Variants in ERC2 observed in about 807,000 individuals in gnomAD.
The protein encoded by ERC2 is ELKS/RAB6-interacting/CAST family member 2, also known as ERC protein 2.
Under a neutral mutation model 114.8 loss-of-function variants are expected in ERC2, and 42 were observed. The observed-to-expected ratio is 0.37, with a 90% CI of 0.29 to 0.47. The LOEUF (loss-of-function observed/expected upper bound fraction) is 0.47. Ranked by LOEUF, ERC2 falls within the 20% of genes least tolerant of loss-of-function variation. The pLI is 0.99. For synonymous variants in ERC2, 454 were observed against 425.5 expected (o/e 1.07, Z -0.82); for missense variants, 939 against 1,150.7 (o/e 0.82, Z 2.66).
intron 6 of ERC2, among the ~76,000 whole-genome samples, chr3:56,093,887 C>G (rs184550782): frequency 6.6e-6 from 1 of 152,002 alleles, no homozygotes; most frequent in Admixed American, 6.6e-5. Context: ...TTCTTTGAAA[C>G]TTTTCTGAGT....
intron 13 of ERC2, among the ~76,000 whole-genome samples, chr3:55,894,588 C>T (rs970597): frequency 6.6e-6 from 1 of 152,162 alleles, no homozygotes; most frequent in Middle Eastern, 3.2e-3. Flanking sequence ...CCCCCTTCTT[C>T]CCTCCCTACT....
intron 7 of ERC2, among the ~76,000 whole-genome samples, chr3:56,055,009 C>T (rs1049984456): frequency 6.6e-6 from 1 of 152,166 alleles, no homozygotes; most frequent in Non-Finnish European, 1.5e-5. Flanking sequence ...CACTGAGGCT[C>T]GGAAAGACAA....
In ERC2 at chr3:56,126,449, A is replaced by T. The variant is rs535536111; in HGVS notation, c.1473+13060T>A. Among the ~76,000 whole-genome samples, 10 of 152,314 alleles carry T rather than the reference A, an allele frequency of 6.6e-5. No homozygotes were observed. The South Asian group carries it at 2.1e-3, about 32-fold the overall frequency. ...AACAAATTAGGCATAGAAGGAATGGACTCCAACTAGTTTGATGACATGATC... is the reference window on the plus strand; with the variant it reads ...AACAAATTAGGCATAGAAGGAATGGTCTCCAACTAGTTTGATGACATGATC... On this transcript the variant is annotated intron_variant, in intron 6 of 17. Coordinates refer to ENST00000288221, the MANE Select transcript of ERC2 (RefSeq NM_015576.3).
At chr3:55,706,769 C>G (rs1359550069) in intron 15 of ERC2, among the ~76,000 whole-genome samples, 3 of 152,144 alleles carry the variant, frequency 2.0e-5, no homozygotes, top group Non-Finnish European at 4.4e-5. Flanking sequence ...GAATAATTAA[C>G]AAGCCTGCAC....
At chr3:56,445,735 A>G (rs1019357288) in intron 1 of ERC2, among the ~76,000 whole-genome samples, 1 of 152,118 alleles carries the variant, frequency 6.6e-6, no homozygotes, top group East Asian at 1.9e-4. Flanking sequence ...GCTCCAATGC[A>G]TCAAGTCCCT....
At chr3:55,730,790 G>A (rs957793838) in intron 15 of ERC2, among the ~76,000 whole-genome samples, 1 of 152,174 alleles carries the variant, frequency 6.6e-6, no homozygotes, top group Non-Finnish European at 1.5e-5. Context: ...GGTAGTGGCC[G>A]AAGTGAGCTG....
In ERC2 at chr3:56,297,154, A is replaced by G. The variant is rs558860915; in HGVS notation, c.658-719T>C. On this transcript the variant is annotated intron_variant, in intron 2 of 17. Transcript: ENST00000288221. ...AAAAATGAAGCAAAAAATCAACACA[A>G]AGAAAAGTCCAGTGCAAGCAAAGGA... Among the ~76,000 whole-genome samples, 4 of 152,250 alleles carry G rather than the reference A, an allele frequency of 2.6e-5. No individual in the cohort carries two copies. In the East Asian group the frequency reaches 5.8e-4, roughly 22 times the overall value.
chr3:55,922,263 C>T (rs1040216098), intron 13 of ERC2, among the ~76,000 whole-genome samples: 10 of 151,974 alleles, frequency 6.6e-5, no homozygotes, highest in Non-Finnish European at 1.3e-4. Flanking sequence ...CTTTGCTTCA[C>T]TAAAATATAG....
intron 13 of ERC2, among the ~76,000 whole-genome samples, chr3:55,916,932 TTTAA>T (rs1418836163): frequency 5.3e-5 from 8 of 152,184 alleles, no homozygotes; most frequent in Non-Finnish European, 8.8e-5. Context: ...GAGTAAACAG[TTTAA>T]TTAATCAAAA....
intron 4 of ERC2, among the ~76,000 whole-genome samples, chr3:56,166,428 T>A (rs147686480): frequency 6.6e-6 from 1 of 152,182 alleles, no homozygotes; most frequent in Admixed American, 6.6e-5. Context: ...CTAGAAGAGT[T>A]TCTGTATGAT....
chr3:56,153,465 G>A (rs1016599569), intron 4 of ERC2, among the ~76,000 whole-genome samples: 1 of 152,068 alleles, frequency 6.6e-6, no homozygotes, highest in Non-Finnish European at 1.5e-5. Flanking sequence ...AAGACACAAG[G>A]GCCAAGACTG....
chr3:55,997,293 T>TC (rs11431909), intron 10 of ERC2, among the ~76,000 whole-genome samples: 107,685 of 151,806 alleles, frequency 0.71, 38,325 homozygotes, highest in East Asian at 0.83. Context: ...GAAATATGAT[T>TC]TCGATTGTGG....
At chr3:56,170,603 T>TTTTTTTTTTTTTG (rs2082601921) in intron 4 of ERC2, among the ~76,000 whole-genome samples, 1 of 82,692 alleles carries the variant, frequency 1.2e-5, no homozygotes, top group African/African-American at 3.1e-5. Flanking sequence ...TTTTTTTTTT[T>TTTTTTTTTTTTTG]TTTTTTTTTT....
rs555578729 is a variant in ERC2 at position 55,813,268 on chromosome 3, G to A, written c.2564+75121C>T. Among the ~76,000 whole-genome samples, 6 of 152,094 alleles carry A rather than the reference G, an allele frequency of 3.9e-5. No homozygotes were observed. The South Asian group carries it at 6.2e-4, about 16-fold the overall frequency. ...AGCTAGGTTCCTCCTAGCCACACTG[G>A]GCTATTTAAATTTGAATTAATTAAA... On this transcript the variant is annotated intron_variant, in intron 14 of 17. Transcript: ENST00000288221.
intron 7 of ERC2, among the ~76,000 whole-genome samples, chr3:56,039,614 G>A (rs984569366): frequency 9.9e-5 from 15 of 151,550 alleles, no homozygotes; most frequent in East Asian, 9.7e-4. Context: ...TGAAAATTCC[G>A]ATGTCATTTT....
chr3:56,435,918 T>G (rs2061996096), intron 1 of ERC2, among the ~76,000 whole-genome samples: 1 of 152,232 alleles, frequency 6.6e-6, no homozygotes, highest in Non-Finnish European at 1.5e-5. Context: ...TGAGAATTAT[T>G]TCCCATTTTG....
intron 2 of ERC2, among the ~76,000 whole-genome samples, chr3:56,353,953 T>C (rs1173693749): frequency 6.6e-6 from 1 of 152,012 alleles, no homozygotes; most frequent in Non-Finnish European, 1.5e-5. Context: ...TTATTCCAAT[T>C]TTACCAATGG....
chr3:55,512,846 T>A (rs979430985), intron 17 of ERC2, among the ~76,000 whole-genome samples: 7 of 151,940 alleles, frequency 4.6e-5, no homozygotes, highest in African/African-American at 1.7e-4. Flanking sequence ...AATCGAACAA[T>A]CCATTCACCA....
chr3:55,612,770 T>C (rs1245228364), intron 17 of ERC2: 1 of 152,200 alleles, frequency 6.6e-6, no homozygotes, highest in Non-Finnish European at 1.5e-5. Flanking sequence ...TAAGTAAACT[T>C]ATAGAATTGT....
Sources: allele counts gnomAD v4.1 joint callset (sites outside exome capture counted in the v4.1 genomes callset), GRCh38; gene constraint gnomAD v4.1.1; transcripts MANE v1.5; gene names NCBI Gene and HGNC (gene_info 2026-07-23, HGNC 2026-07-21).